The following KLF16 variants were observed in gnomAD, a reference collection of about 807,000 sequenced individuals.
KLF16 encodes KLF transcription factor 16.
In KLF16, 6 loss-of-function variants were observed where a neutral mutation model predicts 6.1. The observed-to-expected ratio is 0.98, with a 90% CI of 0.54 to 1.93. The LOEUF is 1.93. Ranked by LOEUF, KLF16 falls within the 30% of genes most tolerant of loss-of-function variation. The pLI, the probability that KLF16 is intolerant of heterozygous loss-of-function variation, is 0.01. For synonymous variants in KLF16, 211 were observed against 176.5 expected (o/e 1.20, Z -1.55); for missense variants, 355 against 363.8 (o/e 0.98, Z 0.20).
the KLF16 span, among the ~76,000 whole-genome samples, chr19:1,870,221 C>T: frequency 6.6e-6 from 1 of 152,082 alleles, no homozygotes; most frequent in African/African-American, 2.4e-5. Context: ...TGAGCCACCA[C>T]ACCCGGCCAA....
At chr19:1,872,122 G>A in the KLF16 span, among the ~76,000 whole-genome samples, 1 of 152,090 alleles carries the variant, frequency 6.6e-6, no homozygotes, top group Admixed American at 6.5e-5. Context: ...GGTCAGACAG[G>A]TGGCGGTGGT....
upstream of KLF16, among the ~76,000 whole-genome samples, chr19:1,866,893 G>A (rs1456895571): frequency 6.6e-6 from 1 of 151,916 alleles, no homozygotes; most frequent in African/African-American, 2.4e-5. Context: ...CAGACACTTT[G>A]GGGCATCCAT....
chr19:1,873,123 CCA>C, the KLF16 span, among the ~76,000 whole-genome samples: 1 of 152,226 alleles, frequency 6.6e-6, no homozygotes, highest in Admixed American at 6.5e-5. Flanking sequence ...TTCCAGAACC[CCA>C]GAGGGCCCTC....
At chr19:1,858,446 T>C (rs1336696518) in intron 1 of KLF16, among the ~76,000 whole-genome samples, 1 of 152,156 alleles carries the variant, frequency 6.6e-6, no homozygotes, top group African/African-American at 2.4e-5. Flanking sequence ...CGCATGCATC[T>C]TGTGGGTGTA....
Position 1,857,740 on chromosome 19 carries a change from G to A in KLF16, c.458-2980C>T, listed in dbSNP as rs1161946819. ...CCTAACAGGTGGGGTCGGGTCTGTA[G>A]GGGAGGGCACAGGTGGGGAAGACCA... On this transcript the variant is annotated intron_variant, in intron 1 of 1. Coordinates refer to ENST00000250916, the MANE Select transcript of KLF16 (RefSeq NM_031918.4). The surrounding 1 kb of genome is among the most constrained non-coding windows in gnomAD (Gnocchi z 4.7). 6.6e-6 allele frequency among the ~76,000 whole-genome samples: 1 copy of A among 152,084 alleles called. No individual in the cohort carries two copies. The highest frequency in any genetic ancestry group is 1.9e-4 in the East Asian group (1 of 5,186).
rs1241393911 is a variant in KLF16 at position 1,863,327 on chromosome 19, C to T, written c.171G>A (p.Gly57=). Residue 57 remains glycine (G), a synonymous_variant, in exon 1 of 2, where the codon GGG becomes GGA. Coordinates refer to ENST00000250916, the MANE Select transcript of KLF16 (RefSeq NM_031918.4). ...RREAASPGTP[G]PPPPPPAASG... is the part of the protein sequence containing the mutation. ...AAGCGGCGGGGGGCGGCGGGGGTGG[C>T]CCCGGGGTCCCGGGTGAGGCGGCCT... 3 of 980,664 alleles carry T rather than the reference C, an allele frequency of 3.1e-6. No individual in the cohort carries two copies. The highest frequency in any genetic ancestry group is 3.6e-5 in the African/African-American group (2 of 56,124). 60.7% of individuals were successfully genotyped at this position (980,664 alleles called of 1,614,324 possible).
At chr19:1,867,227 C>T (rs1050537447), upstream of KLF16, among the ~76,000 whole-genome samples, 1 of 152,262 alleles carries the variant, frequency 6.6e-6, no homozygotes, top group African/African-American at 2.4e-5. Flanking sequence ...GTCACATAAC[C>T]GGGGGTGCAC....
intron 1 of KLF16, among the ~76,000 whole-genome samples, chr19:1,858,913 C>G (rs2012007388): frequency 6.6e-6 from 1 of 152,110 alleles, no homozygotes; most frequent in South Asian, 2.1e-4. Context: ...CCGATCTGGG[C>G]TGCTTTTATC....
At chr19:1,867,727 G>A (rs1302577013), upstream of KLF16, among the ~76,000 whole-genome samples, 2 of 151,848 alleles carry the variant, frequency 1.3e-5, no homozygotes, top group East Asian at 1.9e-4. Context: ...TTAGCCAGGT[G>A]TGGTGGGGGG....
At position 1,857,525 on chromosome 19, in the gene KLF16, G is replaced by A. The variant is rs946697619; in HGVS notation, c.458-2765C>T. Among the ~76,000 whole-genome samples the A allele has an allele frequency of 1.3e-5, 2 of 152,166 alleles. No individual in the cohort carries two copies. Among genetic ancestry groups the A allele is most frequent in the Non-Finnish European group, 2.9e-5 (2 of 68,020 alleles). On this transcript the variant is annotated intron_variant, in intron 1 of 1. Transcript: ENST00000250916. This position sits in a 1 kb window ranked among gnomAD's most constrained non-coding sequence, Gnocchi z 4.7. ...AAACAGGCAGGCTCAGAAAAATGGA[G>A]TCCAGGAAGTCCTGGAAACCTGGCC...
chr19:1,869,947 T>C, the KLF16 span, among the ~76,000 whole-genome samples: 1 of 142,938 alleles, frequency 7.0e-6, no homozygotes, highest in East Asian at 2.0e-4. Context: ...TTTTTTTTTT[T>C]TTTTGAGACG....
At chr19:1,874,750 A>C in the KLF16 span, 1 of 42,702 alleles carries the variant, frequency 2.3e-5, no homozygotes, top group Non-Finnish European at 4.1e-5. Context: ...GAGTCCCAAA[A>C]AAAAAAAAAA....
chr19:1,876,458 T>A, the KLF16 span, among the ~76,000 whole-genome samples: 6 of 152,310 alleles, frequency 3.9e-5, no homozygotes, highest in East Asian at 1.2e-3. Context: ...CCAGCTCCAG[T>A]GTCGGCTCCC....
chr19:1,863,500 CG>C lies in KLF16; in HGVS notation c.-4del. 1 of 992,052 alleles carries C rather than the reference CG, an allele frequency of 1.0e-6. No individual in the cohort carries two copies. The highest frequency in any genetic ancestry group is 1.2e-6 in the Non-Finnish European group (1 of 836,142). The allele number at this position is 992,052 out of a possible 1,614,324, so 61.5% of individuals were successfully genotyped here. A position where few individuals can be genotyped will look rare whatever the true frequency, so the allele number is the denominator to read the frequency against. On this transcript the variant is annotated 5_prime_UTR_variant, in exon 1 of 2. Transcript: ENST00000250916. Reference sequence around the variant, plus strand: ...ACGCACGCCACGGCCGCCGACATGCCGAGCAAGGGCGCGCGGCGCGGCGGGC... The same window carrying C: ...ACGCACGCCACGGCCGCCGACATGCCAGCAAGGGCGCGCGGCGCGGCGGGC...
chr19:1,859,541 C>T (rs577694964), intron 1 of KLF16, among the ~76,000 whole-genome samples: 5 of 152,080 alleles, frequency 3.3e-5, no homozygotes, highest in South Asian at 2.1e-4. Flanking sequence ...TTCACCTTGC[C>T]GAGGTGCCCC....
upstream of KLF16, among the ~76,000 whole-genome samples, chr19:1,864,832 C>A (rs1372502362): frequency 6.6e-6 from 1 of 152,242 alleles, no homozygotes; most frequent in South Asian, 2.1e-4. Flanking sequence ...AACTGGGCGG[C>A]CCCCCTCGGT....
chr19:1,855,673 C>T (rs1475834464), intron 1 of KLF16, among the ~76,000 whole-genome samples: 3 of 152,222 alleles, frequency 2.0e-5, no homozygotes, highest in Non-Finnish European at 4.4e-5. Flanking sequence ...TTCCTTTAGC[C>T]GGGGTCTCAC....
Position 1,854,274 on chromosome 19 carries a change from G to T in KLF16, c.*185C>A. ...CACAAGCCCCCGTCACCCATCCTGA[G>T]AGCCACCTCTGAGGTCAGGCAGACC... On this transcript the variant is annotated 3_prime_UTR_variant, in exon 2 of 2. Coordinates refer to ENST00000250916, the MANE Select transcript of KLF16 (RefSeq NM_031918.4). 1 of 611,612 alleles carries T rather than the reference G, an allele frequency of 1.6e-6. No individual in the cohort carries two copies. Among genetic ancestry groups the T allele is most frequent in the South Asian group, 3.8e-5 (1 of 26,232 alleles). 37.9% of individuals were successfully genotyped at this position (611,612 alleles called of 1,614,324 possible).
chr19:1,874,657 ACAAAGT>A, the KLF16 span, among the ~76,000 whole-genome samples: 1 of 150,906 alleles, frequency 6.6e-6, no homozygotes, highest in African/African-American at 2.5e-5. Context: ...AAAAATACAA[ACAAAGT>A]CAAAGACTAA....
Sources: allele counts gnomAD v4.1 joint callset (sites outside exome capture counted in the v4.1 genomes callset), GRCh38; gene constraint gnomAD v4.1.1; non-coding constraint Gnocchi (gnomAD v3.1); transcripts MANE v1.5; gene names NCBI Gene and HGNC (gene_info 2026-07-23, HGNC 2026-07-21).